The following ARHGAP6 variants were observed in gnomAD, a reference collection of about 807,000 sequenced individuals.
ARHGAP6 encodes rho GTPase-activating protein 6.
Under a neutral mutation model 55.7 loss-of-function variants are expected in ARHGAP6, and 16 were observed. The observed-to-expected ratio is 0.29, with a 90% CI of 0.19 to 0.44. The LOEUF (loss-of-function observed/expected upper bound fraction) is 0.44, where lower values mean the gene tolerates loss of function less well. ARHGAP6 is among the 20% of genes least tolerant of loss of function. The pLI is 1.00. For synonymous variants in ARHGAP6, 382 were observed against 360.9 expected (o/e 1.06, Z -0.66); for missense variants, 698 against 808.9 (o/e 0.86, Z 1.66).
chrX:11,473,774 C>T (rs909705919), intron 1 of ARHGAP6, among the ~76,000 whole-genome samples: 1 of 111,787 alleles, frequency 8.9e-6, no homozygotes, highest in African/African-American at 3.3e-5. Context: ...GAAACTAACA[C>T]AATGCACATT....
chrX:11,215,255 C>T (rs1227579795), intron 2 of ARHGAP6, among the ~76,000 whole-genome samples: 2 of 113,021 alleles, frequency 1.8e-5, no homozygotes, highest in African/African-American at 6.4e-5. Flanking sequence ...CCGGGTGACT[C>T]CCACTGAGAT....
At chrX:11,275,765 C>G (rs1257043907) in intron 1 of ARHGAP6, among the ~76,000 whole-genome samples, 1 of 111,561 alleles carries the variant, frequency 9.0e-6, no homozygotes, top group Non-Finnish European at 1.9e-5. Context: ...TAATTTCAGC[C>G]ACATGGAAGA....
intron 1 of ARHGAP6, among the ~76,000 whole-genome samples, chrX:11,591,411 TATTA>T (rs1183102087): frequency 9.2e-6 from 1 of 108,995 alleles, no homozygotes; most frequent in East Asian, 2.8e-4. Flanking sequence ...ATTATATAAT[TATTA>T]ATTTAAAGCC....
At chrX:11,329,542 C>T (rs942156232) in intron 1 of ARHGAP6, among the ~76,000 whole-genome samples, 4 of 112,481 alleles carry the variant, frequency 3.6e-5, no homozygotes, top group Non-Finnish European at 7.5e-5. Context: ...CTCCTTCTAA[C>T]AAGATGTTCA....
At chrX:11,517,719 A>G (rs1425157600) in intron 1 of ARHGAP6, among the ~76,000 whole-genome samples, 2 of 111,586 alleles carry the variant, frequency 1.8e-5, no homozygotes, top group Non-Finnish European at 3.8e-5. Flanking sequence ...TAACACAGCA[A>G]CAGAAAACCA....
intron 1 of ARHGAP6, among the ~76,000 whole-genome samples, chrX:11,303,091 G>A (rs988901420): frequency 8.9e-6 from 1 of 112,563 alleles, no homozygotes; most frequent in Non-Finnish European, 1.9e-5. Context: ...AGACTAACAA[G>A]AGAAAAACGA....
In ARHGAP6 at chrX:11,384,891, GT is replaced by G. The variant is rs895794550; in HGVS notation, c.589-130185del. Reference sequence around the variant, plus strand: ...GGTTTTAGCGCTGAAAAGTTCCCATGTCCCAGCAAACCCTCCAGTCCTGGAA... The same window carrying G: ...GGTTTTAGCGCTGAAAAGTTCCCATGCCCAGCAAACCCTCCAGTCCTGGAA... On this transcript the variant is annotated intron_variant, in intron 1 of 12. Transcript: ENST00000337414. 3.6e-5 allele frequency among the ~76,000 whole-genome samples: 4 copies of G among 111,415 alleles called. No individual in the cohort carries two copies. In the East Asian group the frequency reaches 8.4e-4, roughly 23 times the overall value.
At chrX:11,652,394 A>G (rs1316843693) in intron 1 of ARHGAP6, among the ~76,000 whole-genome samples, 2 of 112,225 alleles carry the variant, frequency 1.8e-5, no homozygotes, top group African/African-American at 3.2e-5. Context: ...ATCCTTCAAC[A>G]AACCCAACAA....
intron 2 of ARHGAP6, among the ~76,000 whole-genome samples, chrX:11,229,839 A>C (rs2047102138): frequency 9.0e-6 from 1 of 111,085 alleles, no homozygotes; most frequent in Admixed American, 9.6e-5. Flanking sequence ...TTATCTTTTC[A>C]AGGTTTTCCA....
intron 4 of ARHGAP6, among the ~76,000 whole-genome samples, chrX:11,186,692 C>T (rs1209774730): frequency 1.8e-5 from 2 of 111,971 alleles, no homozygotes; most frequent in Non-Finnish European, 3.8e-5. Context: ...AATGGAAGAA[C>T]AAGCGATGGG....
intron 1 of ARHGAP6, among the ~76,000 whole-genome samples, chrX:11,368,985 G>A (rs959715619): frequency 9.0e-6 from 1 of 111,570 alleles, no homozygotes; most frequent in African/African-American, 3.3e-5. Context: ...TGCAGTTCCA[G>A]TTCATGCCTA....
intron 1 of ARHGAP6, among the ~76,000 whole-genome samples, chrX:11,490,961 G>A (rs1201279250): frequency 8.0e-5 from 9 of 112,170 alleles, no homozygotes; most frequent in South Asian, 7.3e-4. Context: ...AAATGTGAAT[G>A]GTGAAGGGTG....
At position 11,635,113 on chromosome X, in the gene ARHGAP6, G is replaced by C. The variant is rs138570093; in HGVS notation, c.588+29128C>G. 2.9e-4 allele frequency among the ~76,000 whole-genome samples: 33 copies of C among 112,492 alleles called. No homozygotes were observed. The East Asian group carries it at 4.5e-3, about 15-fold the overall frequency. ...CAGCTTACTTCATCAAATCCAGCAA[G>C]ATAGAACCGGCTAGCAAGTCAAACT... On this transcript the variant is annotated intron_variant, in intron 1 of 12. Transcript: ENST00000337414.
intron 1 of ARHGAP6, among the ~76,000 whole-genome samples, chrX:11,546,442 A>G (rs998552133): frequency 2.1e-4 from 23 of 112,025 alleles, no homozygotes; most frequent in Non-Finnish European, 3.2e-4. Context: ...AAATTCCATC[A>G]GAGTGTTCTC....
At chrX:11,442,657 C>T (rs778008347) in intron 1 of ARHGAP6, among the ~76,000 whole-genome samples, 11 of 112,542 alleles carry the variant, frequency 9.8e-5, no homozygotes, top group South Asian at 3.7e-4. Context: ...CCCAGGAGCA[C>T]GCAGTCTGCT....
intron 1 of ARHGAP6, among the ~76,000 whole-genome samples, chrX:11,659,828 G>C (rs186826885): frequency 8.9e-6 from 1 of 112,176 alleles, no homozygotes; most frequent in Admixed American, 9.4e-5. Flanking sequence ...CCAACACCTT[G>C]AAGTTAGCCC....
chrX:11,418,354 C>G (rs1318568510), intron 1 of ARHGAP6, among the ~76,000 whole-genome samples: 2 of 111,900 alleles, frequency 1.8e-5, no homozygotes, highest in Non-Finnish European at 3.8e-5. Flanking sequence ...CCTTGACCAG[C>G]AGAGATAAAT....
chrX:11,535,595 C>T (rs760865855), intron 1 of ARHGAP6, among the ~76,000 whole-genome samples: 1 of 111,642 alleles, frequency 9.0e-6, no homozygotes, highest in Admixed American at 9.5e-5. Context: ...TTTTAAGGGC[C>T]TCTGCCCTCC....
At chrX:11,161,215 G>A (rs188539384) in intron 9 of ARHGAP6, among the ~76,000 whole-genome samples, 8 of 112,035 alleles carry the variant, frequency 7.1e-5, no homozygotes, top group South Asian at 3.7e-4. Context: ...TGCACATTTC[G>A]TTTCCTAACA....
Sources: gnomAD v4.1 joint callset for allele counts (sites outside exome capture counted in the v4.1 genomes callset) on GRCh38, gnomAD v4.1.1 for gene constraint, MANE v1.5 for transcripts, NCBI Gene and HGNC (gene_info 2026-07-23, HGNC 2026-07-21) for gene names.